PID1: variants seen among roughly 807,000 people sequenced by gnomAD.
PID1 encodes the protein PTB-containing, cubilin and LRP1-interacting protein.
Under a neutral mutation model 19.1 loss-of-function variants are expected in PID1, and 10 were observed. That is an observed-to-expected ratio of 0.52 (90% CI 0.32 to 0.89). The LOEUF (loss-of-function observed/expected upper bound fraction) is 0.89. Ranked by LOEUF, PID1 falls within the 40% of genes least tolerant of loss-of-function variation. The pLI is 0.03. For synonymous variants in PID1, 130 were observed against 116.0 expected, an observed-to-expected ratio of 1.12 and a Z score of -0.78; for missense variants, 248 against 285.3, an observed-to-expected ratio of 0.87 and a Z score of 0.94.
In PID1 at chr2:229,155,808, T is replaced by A; in HGVS notation, c.177+10A>T. The A allele has an allele frequency of 6.2e-7, 1 of 1,601,150 alleles. No individual in the cohort carries two copies. Among genetic ancestry groups the A allele is most frequent in the Admixed American group, 1.7e-5 (1 of 58,884 alleles). ...ACCAAGAGAACCCCTGCTGGCCACG[T>A]GCCCCATACCTTGCAGCCACTGTGA... is the stretch of plus-strand genomic sequence containing the variant. On this transcript the variant is annotated intron_variant, in intron 2 of 2. Coordinates refer to ENST00000392055, the MANE Select transcript of PID1 (RefSeq NM_001100818.2).
intron 2 of PID1, among the ~76,000 whole-genome samples, chr2:229,037,558 T>C (rs1171998327): frequency 2.0e-5 from 3 of 152,190 alleles, no homozygotes; most frequent in Non-Finnish European, 4.4e-5. Context: ...GGAAATATTG[T>C]CATTGTCACT....
chr2:229,200,126 C>T lies in PID1; in HGVS notation c.31-44162G>A, dbSNP rs373515429. Among the ~76,000 whole-genome samples, 37 of 151,928 alleles carry T rather than the reference C, an allele frequency of 2.4e-4. No individual in the cohort carries two copies. In the South Asian group the frequency reaches 5.8e-3, roughly 24 times the overall value. ...AGGCTATTGAACTAAGTGATGACTC[C>T]GCTGCTGCACTCCCCCGACTCATCC... On this transcript the variant is annotated intron_variant, in intron 1 of 2. Coordinates refer to ENST00000392055, the MANE Select transcript of PID1 (RefSeq NM_001100818.2).
intron 2 of PID1, among the ~76,000 whole-genome samples, chr2:229,122,163 T>C (rs540311575): frequency 6.6e-6 from 1 of 152,186 alleles, no homozygotes; most frequent in Non-Finnish European, 1.5e-5. Context: ...GTTTCTCTAC[T>C]AAAAAGTTAA....
At chr2:229,037,840 A>C (rs1359761593) in intron 2 of PID1, among the ~76,000 whole-genome samples, 1 of 152,196 alleles carries the variant, frequency 6.6e-6, no homozygotes, top group East Asian at 1.9e-4. Context: ...CTAGGCCCTA[A>C]CATGTTCACA....
chr2:229,129,095 T>C (rs1190871817), intron 2 of PID1, among the ~76,000 whole-genome samples: 1 of 152,156 alleles, frequency 6.6e-6, no homozygotes, highest in East Asian at 1.9e-4. Flanking sequence ...GACTGAACCA[T>C]TTGCCCTGAG....
At chr2:229,149,366 T>G (rs1354939407) in intron 2 of PID1, among the ~76,000 whole-genome samples, 1 of 152,180 alleles carries the variant, frequency 6.6e-6, no homozygotes, top group African/African-American at 2.4e-5. Flanking sequence ...ATCAGATACA[T>G]GTGATGCTAA....
chr2:229,140,692 A>C (rs1689993045), intron 2 of PID1, among the ~76,000 whole-genome samples: 2 of 152,178 alleles, frequency 1.3e-5, no homozygotes, highest in African/African-American at 2.4e-5. Context: ...CTACACTAAG[A>C]GAAATCCATC....
chr2:229,270,612 A>T (rs538470307), intron 1 of PID1, among the ~76,000 whole-genome samples: 22 of 148,626 alleles, frequency 1.5e-4, no homozygotes, highest in African/African-American at 4.8e-4. Context: ...ATGCTTTCAC[A>T]TATCACTTGT....
intron 2 of PID1, among the ~76,000 whole-genome samples, chr2:229,065,893 G>C (rs541607299): frequency 1.3e-5 from 2 of 152,148 alleles, no homozygotes; most frequent in Admixed American, 6.5e-5. Flanking sequence ...AAAATAATTT[G>C]TATGCTTGAC....
intron 2 of PID1, among the ~76,000 whole-genome samples, chr2:229,124,429 GA>G (rs1262730071): frequency 2.0e-5 from 3 of 152,082 alleles, no homozygotes; most frequent in African/African-American, 7.2e-5. Flanking sequence ...AAGAGAAAAT[GA>G]AAATAACACT....
At chr2:229,083,383 C>T (rs1412395210) in intron 2 of PID1, among the ~76,000 whole-genome samples, 1 of 152,086 alleles carries the variant, frequency 6.6e-6, no homozygotes, top group Admixed American at 6.5e-5. Flanking sequence ...TCAGGCAAAA[C>T]ATTAAAAGAA....
At chr2:229,163,609 T>TA (rs1338037978) in intron 1 of PID1, among the ~76,000 whole-genome samples, 1 of 147,174 alleles carries the variant, frequency 6.8e-6, no homozygotes, top group African/African-American at 2.4e-5. Flanking sequence ...TGTGAAGGGC[T>TA]CACTTACTCA....
intron 2 of PID1, among the ~76,000 whole-genome samples, chr2:229,028,153 G>A (rs116042671): frequency 0.014 from 2,070 of 152,282 alleles, 48 homozygotes; most frequent in African/African-American, 0.047. Flanking sequence ...TAAAATGCTT[G>A]GGACCAGAAG....
At chr2:229,043,926 C>T (rs1693823872) in intron 2 of PID1, among the ~76,000 whole-genome samples, 1 of 152,134 alleles carries the variant, frequency 6.6e-6, no homozygotes, top group South Asian at 2.1e-4. Context: ...AGGACACATC[C>T]AGCTCAAATC....
chr2:229,244,695 C>T (rs567540496), intron 1 of PID1, among the ~76,000 whole-genome samples: 1 of 152,242 alleles, frequency 6.6e-6, no homozygotes, highest in East Asian at 1.9e-4. Flanking sequence ...TCTATTGCCA[C>T]AATCCTCACA....
At chr2:229,117,686 GCT>G (rs1695437126) in intron 2 of PID1, among the ~76,000 whole-genome samples, 1 of 151,948 alleles carries the variant, frequency 6.6e-6, no homozygotes, top group South Asian at 2.1e-4. Flanking sequence ...CCTTCCACTT[GCT>G]CTCTCACTTC....
chr2:229,038,809 A>C (rs1693712636), intron 2 of PID1, among the ~76,000 whole-genome samples: 1 of 152,210 alleles, frequency 6.6e-6, no homozygotes, highest in Non-Finnish European at 1.5e-5. Flanking sequence ...AGAGAAAGAA[A>C]GAACCTAGTC....
chr2:229,183,021 T>C (rs1216233832), intron 1 of PID1, among the ~76,000 whole-genome samples: 1 of 152,230 alleles, frequency 6.6e-6, no homozygotes, highest in Non-Finnish European at 1.5e-5. Flanking sequence ...GTTCTAACCA[T>C]GGAACTCATG....
At chr2:229,133,778 T>C (rs1184727123) in intron 2 of PID1, among the ~76,000 whole-genome samples, 4 of 152,168 alleles carry the variant, frequency 2.6e-5, no homozygotes, top group African/African-American at 7.2e-5. Context: ...TTCTTTTTTT[T>C]TTCTTTTTTT....
Sources: gnomAD v4.1 joint callset for allele counts (sites outside exome capture counted in the v4.1 genomes callset) on GRCh38, gnomAD v4.1.1 for gene constraint, MANE v1.5 for transcripts, NCBI Gene and HGNC (gene_info 2026-07-23, HGNC 2026-07-21) for gene names.